SIAH2: variants seen among roughly 807,000 people sequenced by gnomAD.
The protein encoded by SIAH2 is siah E3 ubiquitin protein ligase 2.
A neutral mutation model predicts 20.4 loss-of-function variants in SIAH2; 4 were observed. That is an observed-to-expected ratio of 0.20 (90% CI 0.10 to 0.45). The LOEUF (loss-of-function observed/expected upper bound fraction) is 0.45, where lower values mean the gene tolerates loss of function less well. Among genes scored for constraint, SIAH2 ranks in the 20% least tolerant of loss-of-function variants. SIAH2 has a pLI of 0.99. For missense variants in SIAH2, 259 were observed against 440.3 expected, an observed-to-expected ratio of 0.59 and a Z score of 3.69; for synonymous variants, 171 against 192.5, an observed-to-expected ratio of 0.89 and a Z score of 0.93.
chr3:150,757,816 T>C (rs1439776773), intron 1 of SIAH2, among the ~76,000 whole-genome samples: 3 of 151,786 alleles, frequency 2.0e-5, no homozygotes, highest in Non-Finnish European at 2.9e-5. Flanking sequence ...ATGACATCTC[T>C]TAAAGGAAAA....
In SIAH2 at chr3:150,747,667, G is replaced by A. The variant is rs1295589742; in HGVS notation, c.418-4969C>T. Among the ~76,000 whole-genome samples the A allele has an allele frequency of 3.9e-5, 6 of 152,176 alleles. No individual in the cohort carries two copies. The East Asian group carries it at 5.8e-4, about 15-fold the overall frequency. ...AGAAAATAGGGAGGTAGGACCGGGC[G>A]CGATGGCTCACTTCTGTAATCCCAG... On this transcript the variant is annotated intron_variant, in intron 1 of 1. Coordinates refer to ENST00000312960, the MANE Select transcript of SIAH2 (RefSeq NM_005067.7).
chr3:150,755,623 C>A (rs969416163), intron 1 of SIAH2, among the ~76,000 whole-genome samples: 6 of 152,182 alleles, frequency 3.9e-5, no homozygotes, highest in Non-Finnish European at 7.3e-5. Context: ...TCAAGTGATT[C>A]TCCTGCCTCT....
chr3:150,750,564 T>C (rs1378549066), intron 1 of SIAH2, among the ~76,000 whole-genome samples: 4 of 152,190 alleles, frequency 2.6e-5, no homozygotes, highest in Non-Finnish European at 5.9e-5. Flanking sequence ...CATAACTATT[T>C]GGAGTGAGAA....
intron 1 of SIAH2, among the ~76,000 whole-genome samples, chr3:150,750,554 C>G (rs75066446): frequency 6.6e-6 from 1 of 152,102 alleles, no homozygotes; most frequent in African/African-American, 2.4e-5. Flanking sequence ...ATTTTATTTA[C>G]ATAACTATTT....
chr3:150,755,843 G>T (rs142482262), intron 1 of SIAH2, among the ~76,000 whole-genome samples: 1 of 151,380 alleles, frequency 6.6e-6, no homozygotes, highest in Non-Finnish European at 1.5e-5. Flanking sequence ...GTAGAGACGG[G>T]GTTTCACCAT....
At chr3:150,748,833 T>C (rs1385474650) in intron 1 of SIAH2, among the ~76,000 whole-genome samples, 1 of 152,178 alleles carries the variant, frequency 6.6e-6, no homozygotes, top group African/African-American at 2.4e-5. Flanking sequence ...CTAAGTGCAA[T>C]GCATAACTCT....
chr3:150,759,734 A>G (rs894379733), intron 1 of SIAH2, among the ~76,000 whole-genome samples: 1 of 151,992 alleles, frequency 6.6e-6, no homozygotes, highest in Non-Finnish European at 1.5e-5. Context: ...GACCCCTGCA[A>G]AGTAACTGGC....
intron 1 of SIAH2, among the ~76,000 whole-genome samples, chr3:150,761,771 T>C (rs1160542844): frequency 6.6e-6 from 1 of 152,208 alleles, no homozygotes; most frequent in East Asian, 1.9e-4. Context: ...AGCTCTTGAG[T>C]GCCCTTGTTA....
chr3:150,753,309 G>A (rs1194071205), intron 1 of SIAH2, among the ~76,000 whole-genome samples: 1 of 152,216 alleles, frequency 6.6e-6, no homozygotes, highest in Non-Finnish European at 1.5e-5. Context: ...CAAGGCAAGA[G>A]TGAGTATGAT....
At chr3:150,757,250 G>A (rs986527376) in intron 1 of SIAH2, among the ~76,000 whole-genome samples, 6 of 152,078 alleles carry the variant, frequency 3.9e-5, no homozygotes, top group Admixed American at 6.5e-5. Flanking sequence ...CACTGGGACC[G>A]CTTACTATAT....
Position 150,741,914 on chromosome 3 carries a change from G to GT in SIAH2, c.*226dup. ...GAGTAAATACAATTCAATAAGAGTTGTTTTAGATCACAGAACAGCATCCAA... is the reference window on the plus strand; with the variant it reads ...GAGTAAATACAATTCAATAAGAGTTGTTTTTAGATCACAGAACAGCATCCAA... On this transcript the variant is annotated 3_prime_UTR_variant, in exon 2 of 2. Coordinates refer to ENST00000312960, the MANE Select transcript of SIAH2 (RefSeq NM_005067.7). 1 of 543,744 alleles carries GT rather than the reference G, an allele frequency of 1.8e-6. No homozygotes were observed. Among genetic ancestry groups the GT allele is most frequent in the Non-Finnish European group, 3.3e-6 (1 of 303,338 alleles). 33.7% of individuals were successfully genotyped at this position (543,744 alleles called of 1,614,324 possible). A position where few individuals can be genotyped will look rare whatever the true frequency, so the allele number is the denominator to read the frequency against.
At chr3:150,755,987 C>A (rs1189302976) in intron 1 of SIAH2, among the ~76,000 whole-genome samples, 1 of 152,158 alleles carries the variant, frequency 6.6e-6, no homozygotes, top group Non-Finnish European at 1.5e-5. Flanking sequence ...CACCTGTGGG[C>A]AAAAACTGAG....
At chr3:150,750,789 G>A (rs999605072) in intron 1 of SIAH2, among the ~76,000 whole-genome samples, 2 of 152,144 alleles carry the variant, frequency 1.3e-5, no homozygotes, top group Non-Finnish European at 2.9e-5. Context: ...CCTTTTGATG[G>A]CTGTATGTTC....
intron 1 of SIAH2, among the ~76,000 whole-genome samples, chr3:150,744,310 C>T (rs1192565790): frequency 6.6e-6 from 1 of 152,178 alleles, no homozygotes; most frequent in African/African-American, 2.4e-5. Flanking sequence ...ACCCCCACTT[C>T]CCCATACCTA....
intron 1 of SIAH2, among the ~76,000 whole-genome samples, chr3:150,754,427 T>C (rs963437479): frequency 6.6e-5 from 10 of 152,120 alleles, no homozygotes; most frequent in African/African-American, 2.4e-4. Flanking sequence ...ACCAAGAGGA[T>C]AGTGCTAAGC....
chr3:150,762,738 T>A lies in SIAH2; in HGVS notation c.112A>T (p.Ile38Phe), dbSNP rs750559598. Residue 38 changes from isoleucine to phenylalanine, a missense_variant, in exon 1 of 2, where the codon ATC becomes TTC. Physicochemically the swap from Ile to Phe is conservative, Grantham distance 21. This residue lies in a region of SIAH2 where 99 missense variants were observed against 112.7 expected (regional missense o/e 0.88). Coordinates refer to ENST00000312960, the MANE Select transcript of SIAH2 (RefSeq NM_005067.7). The surrounding 1 kb of genome is among the most constrained non-coding windows in gnomAD (Gnocchi z 6.6). ...SPAAPPAAAT[I>F]SAAGPGSSAV... ...GACGAGCCGGGGCCCGCAGCCGAGA[T>A]GGTGGCGGCGGCCGGGGGCGCAGCC... The A allele has an allele frequency of 4.2e-5, 49 of 1,172,696 alleles. 1 individual carries two copies. Among genetic ancestry groups the A allele is most frequent in the Admixed American group, 4.7e-5 (1 of 21,248 alleles). The allele number at this position is 1,172,696 out of a possible 1,614,324, so 72.6% of individuals were successfully genotyped here. A position where few individuals can be genotyped will look rare whatever the true frequency, so the allele number is the denominator to read the frequency against.
chr3:150,745,402 T>C (rs956392289), intron 1 of SIAH2, among the ~76,000 whole-genome samples: 8 of 152,160 alleles, frequency 5.3e-5, no homozygotes, highest in African/African-American at 1.9e-4. Context: ...CTTTAGTAGT[T>C]TGTGAATTCC....
chr3:150,760,283 C>T (rs1714576347), intron 1 of SIAH2, among the ~76,000 whole-genome samples: 1 of 152,216 alleles, frequency 6.6e-6, no homozygotes, highest in African/African-American at 2.4e-5. Context: ...CACACAAAAG[C>T]ATCCCCAAGA....
intron 1 of SIAH2, among the ~76,000 whole-genome samples, chr3:150,743,392 C>G (rs1714141096): frequency 6.6e-6 from 1 of 152,230 alleles, no homozygotes; most frequent in South Asian, 2.1e-4. Context: ...CCAAGAGCTA[C>G]TTAACTAACT....
Sources: allele counts gnomAD v4.1 joint callset (sites outside exome capture counted in the v4.1 genomes callset), GRCh38; gene constraint gnomAD v4.1.1; regional missense constraint gnomAD v4.1.1; non-coding constraint Gnocchi (gnomAD v3.1); transcripts MANE v1.5; gene names NCBI Gene and HGNC (gene_info 2026-07-23, HGNC 2026-07-21).